SLC1A2: variants seen among roughly 807,000 people sequenced by gnomAD.
SLC1A2 encodes solute carrier family 1 member 2.
A neutral mutation model predicts 48.8 loss-of-function variants in SLC1A2; 15 were observed. The observed-to-expected ratio is 0.31, with a 90% CI of 0.21 to 0.47. The LOEUF (loss-of-function observed/expected upper bound fraction) is 0.47, where lower values mean the gene tolerates loss of function less well. SLC1A2 is among the 20% of genes least tolerant of loss of function. SLC1A2 has a pLI of 0.99. For synonymous variants in SLC1A2, 279 were observed against 272.6 expected (o/e 1.02, Z -0.23); for missense variants, 502 against 730.5 (o/e 0.69, Z 3.61).
intron 1 of SLC1A2, among the ~76,000 whole-genome samples, chr11:35,367,279 T>C (rs1025362092): frequency 6.6e-6 from 1 of 152,176 alleles, no homozygotes; most frequent in Admixed American, 6.5e-5. Context: ...CTGGTGGCTG[T>C]TGTGGGAAAA....
intron 1 of SLC1A2, among the ~76,000 whole-genome samples, chr11:35,397,959 C>T (rs1248506038): frequency 2.0e-5 from 3 of 152,146 alleles, no homozygotes; most frequent in Non-Finnish European, 2.9e-5. Flanking sequence ...CTTCTTTCTC[C>T]CAGTCTTTAA....
At chr11:35,380,701 C>T (rs1278651977) in intron 1 of SLC1A2, among the ~76,000 whole-genome samples, 2 of 152,214 alleles carry the variant, frequency 1.3e-5, no homozygotes, top group Non-Finnish European at 2.9e-5. Context: ...GTTGCTGATT[C>T]TCCCTATAGT....
chr11:35,327,993 A>C (rs900566880), intron 1 of SLC1A2, among the ~76,000 whole-genome samples: 6 of 152,226 alleles, frequency 3.9e-5, no homozygotes. Flanking sequence ...GCTACTTATG[A>C]GACTTGCATT....
intron 8 of SLC1A2, among the ~76,000 whole-genome samples, chr11:35,284,851 C>A (rs907466840): frequency 1.3e-5 from 2 of 152,136 alleles, no homozygotes; most frequent in East Asian, 3.8e-4. Context: ...CTGGGTGGTC[C>A]CTGAGCTTGG....
rs1429368976 is a variant in SLC1A2, at chr11:35,253,929, T to C, written c.*6965A>G. 1 of 152,528 alleles carries C rather than the reference T, an allele frequency of 6.6e-6. No homozygotes were observed. The highest frequency in any genetic ancestry group is 1.5e-5 in the Non-Finnish European group (1 of 68,038). The allele number at this position is 152,528 out of a possible 1,614,324, so 9.4% of individuals were successfully genotyped here. A position where few individuals can be genotyped will look rare whatever the true frequency, so the allele number is the denominator to read the frequency against. On this transcript the variant is annotated 3_prime_UTR_variant, in exon 11 of 11. Coordinates refer to ENST00000278379, the MANE Select transcript of SLC1A2 (RefSeq NM_004171.4). ...AACATTATTAAAGGCTAAATTAATA[T>C]TAAACATATAACATCCAGGTCTATA...
chr11:35,327,091 T>G (rs1458631174), intron 1 of SLC1A2, among the ~76,000 whole-genome samples: 3 of 152,210 alleles, frequency 2.0e-5, no homozygotes, highest in African/African-American at 4.8e-5. Context: ...TGTTTGAAAT[T>G]CTGAGGCCTC....
rs1950356190 is a variant in SLC1A2 at position 35,259,160 on chromosome 11, G to C, written c.*1734C>G. Reference sequence around the variant, plus strand: ...AAACAACTGGAATCTCATGTCTCTTGTATGTTTCAAAGGTATCTGATTTAA... The same window carrying C: ...AAACAACTGGAATCTCATGTCTCTTCTATGTTTCAAAGGTATCTGATTTAA... On this transcript the variant is annotated 3_prime_UTR_variant, in exon 11 of 11. Transcript: ENST00000278379. 1 of 152,560 alleles carries C rather than the reference G, an allele frequency of 6.6e-6. No individual in the cohort carries two copies. The highest frequency in any genetic ancestry group is 2.1e-4 in the South Asian group (1 of 4,828). 9.5% of individuals were successfully genotyped at this position (152,560 alleles called of 1,614,324 possible).
At chr11:35,374,909 A>AT (rs1854177586) in intron 1 of SLC1A2, among the ~76,000 whole-genome samples, 1 of 152,238 alleles carries the variant, frequency 6.6e-6, no homozygotes, top group Admixed American at 6.5e-5. Flanking sequence ...ACATGTGTAT[A>AT]GTCAGTTCTT....
intron 3 of SLC1A2, 97 bp downstream of exon 3, chr11:35,314,926 A>T (rs867955625): frequency 1.2e-6 from 1 of 826,502 alleles, no homozygotes; most frequent in Non-Finnish European, 2.0e-6. Context: ...GACATAGACG[A>T]TCACATTCAC....
intron 1 of SLC1A2, among the ~76,000 whole-genome samples, chr11:35,380,151 T>C (rs1854375884): frequency 6.6e-6 from 1 of 152,216 alleles, no homozygotes; most frequent in South Asian, 2.1e-4. Context: ...CTCACTGGTT[T>C]GATAAGACAA....
At chr11:35,261,613 C>G (rs533217962) in intron 10 of SLC1A2, 4 of 398,286 alleles carry the variant, frequency 1.0e-5, no homozygotes, top group East Asian at 3.6e-5. Flanking sequence ...GTGAACTGAA[C>G]CTTTTTGCAG....
intron 7 of SLC1A2, among the ~76,000 whole-genome samples, chr11:35,287,882 A>G (rs1850877792): frequency 6.6e-6 from 1 of 152,236 alleles, no homozygotes; most frequent in Admixed American, 6.5e-5. Flanking sequence ...TCAAACTGCC[A>G]TGGAAGTGCT....
chr11:35,412,560 C>T (rs1366295913), intron 1 of SLC1A2, among the ~76,000 whole-genome samples: 1 of 152,178 alleles, frequency 6.6e-6, no homozygotes, highest in Non-Finnish European at 1.5e-5. Context: ...CAGAAATACG[C>T]CTCTGAAAGA....
chr11:35,388,989 A>T (rs939613810), intron 1 of SLC1A2, among the ~76,000 whole-genome samples: 1 of 152,182 alleles, frequency 6.6e-6, no homozygotes, highest in Non-Finnish European at 1.5e-5. Flanking sequence ...ATTTGATGCG[A>T]TGTTCACTAT....
At chr11:35,342,866 C>A (rs1852893227) in intron 1 of SLC1A2, among the ~76,000 whole-genome samples, 1 of 152,184 alleles carries the variant, frequency 6.6e-6, no homozygotes, top group Non-Finnish European at 1.5e-5. Flanking sequence ...TGAACTTTAA[C>A]CCTACACATT....
Position 35,280,989 on chromosome 11 carries a change from G to T in SLC1A2, c.1299C>A (p.Thr433=), listed in dbSNP as rs990617789. The change falls in exon 9 of 11, where the codon ACC becomes ACA. Residue 433 remains threonine, a synonymous_variant. Transcript: ENST00000278379. The part of the protein sequence containing the change: ...GQIVTVSLTA[T]LASVGAASIP... ...TACTGGCCGCGCCGACGCTTGCCAGGGTGGCTGTGAGGCTATGAGAACAGA... is the reference window on the plus strand; with the variant it reads ...TACTGGCCGCGCCGACGCTTGCCAGTGTGGCTGTGAGGCTATGAGAACAGA... 1.9e-6 allele frequency: 3 copies of T among 1,609,146 alleles called. No homozygotes were observed. Among genetic ancestry groups the T allele is most frequent in the Non-Finnish European group, 2.5e-6 (3 of 1,178,034 alleles).
chr11:35,334,295 C>G (rs1852538645), intron 1 of SLC1A2, among the ~76,000 whole-genome samples: 1 of 152,164 alleles, frequency 6.6e-6, no homozygotes, highest in Non-Finnish European at 1.5e-5. Context: ...CTGCCTGGCT[C>G]TCATTAAGTT....
intron 4 of SLC1A2, 54 bp downstream of exon 4, chr11:35,312,144 C>A: frequency 2.5e-6 from 4 of 1,581,548 alleles, no homozygotes; most frequent in Non-Finnish European, 2.6e-6. Flanking sequence ...CTTAAGTTAT[C>A]GCCTTGATAA....
intron 7 of SLC1A2, among the ~76,000 whole-genome samples, chr11:35,289,009 C>T (rs892668057): frequency 1.1e-4 from 17 of 152,202 alleles, no homozygotes; most frequent in African/African-American, 4.1e-4. Flanking sequence ...GCTGACATTG[C>T]TTTTTTGGTT....
Sources: gnomAD v4.1 joint callset for allele counts (sites outside exome capture counted in the v4.1 genomes callset) on GRCh38, gnomAD v4.1.1 for gene constraint, MANE v1.5 for transcripts, NCBI Gene and HGNC (gene_info 2026-07-23, HGNC 2026-07-21) for gene names.